Variants in DDX60L observed in about 807,000 individuals in gnomAD.
DDX60L encodes the protein DExD/H-box 60 like.
DDX60L carries 191 observed loss-of-function variants against 211.6 expected under a neutral mutation model. The ratio of observed to expected loss-of-function variants is 0.90; its 90% CI spans 0.80 to 1.02. DDX60L has a LOEUF of 1.02. DDX60L is among the 50% of genes least tolerant of loss of function. The pLI is 0.00. For missense variants in DDX60L, 2,007 were observed against 1,984.1 expected, an observed-to-expected ratio of 1.01 and a Z score of -0.22; for synonymous variants, 706 against 694.1, an observed-to-expected ratio of 1.02 and a Z score of -0.27.
At chr4:168,457,463 A>C (rs1756744793) in intron 6 of DDX60L, among the ~76,000 whole-genome samples, 1 of 151,382 alleles carries the variant, frequency 6.6e-6, no homozygotes, top group Admixed American at 6.6e-5. Flanking sequence ...AAAAAGAAAG[A>C]GGTGCTTAGT....
intron 29 of DDX60L, among the ~76,000 whole-genome samples, chr4:168,386,349 A>T (rs910418125): frequency 1.3e-5 from 2 of 152,220 alleles, no homozygotes; most frequent in South Asian, 4.1e-4. Flanking sequence ...CTTGAGATAC[A>T]AATCAAGTAA....
In DDX60L at chr4:168,457,898, C is replaced by T; in HGVS notation, c.717G>A (p.Met239Ile). ...GAAATAAAAATTTTAATACCTCTTCCATCATATCATTCCATTTCAAATGTT... is the reference window on the plus strand; with the variant it reads ...GAAATAAAAATTTTAATACCTCTTCTATCATATCATTCCATTTCAAATGTT... ...HFEHLKWNDM[M>I]EEAYQTLFLL... is the part of the protein sequence containing the mutation. Residue 239 changes from methionine to isoleucine, a missense_variant, in exon 6 of 38, where the codon ATG (methionine) becomes ATA (isoleucine). By Grantham distance (10) the Met-to-Ile change is conservative. Transcript: ENST00000682922. 1.3e-6 allele frequency: 2 copies of T among 1,515,738 alleles called. No individual in the cohort carries two copies. The highest frequency in any genetic ancestry group is 1.8e-6 in the Non-Finnish European group (2 of 1,125,696). 93.9% of individuals were successfully genotyped at this position (1,515,738 alleles called of 1,614,324 possible). A position where few individuals can be genotyped will look rare whatever the true frequency, so the allele number is the denominator to read the frequency against.
At chr4:168,459,073 T>A (rs924650700) in intron 5 of DDX60L, among the ~76,000 whole-genome samples, 12 of 152,152 alleles carry the variant, frequency 7.9e-5, no homozygotes, top group African/African-American at 2.9e-4. Context: ...ACATCTATAA[T>A]ATTTATTGAG....
chr4:168,400,269 A>T (rs549453108), intron 26 of DDX60L, among the ~76,000 whole-genome samples: 1 of 149,536 alleles, frequency 6.7e-6, no homozygotes, highest in African/African-American at 2.4e-5. Flanking sequence ...TCTATCATTG[A>T]TGGGCATCTA....
In DDX60L at chr4:168,404,110, C is replaced by T. The variant is rs185775023; in HGVS notation, c.3214-4G>A. ...GGTTCTTCAGTACTCTTTTGACCTA[C>T]AACAGTAAGTAAAAATTATTTAAAA... is the stretch of plus-strand genomic sequence containing the variant. On this transcript the variant is annotated splice_polypyrimidine_tract_variant and splice_region_variant and intron_variant, in intron 24 of 37. Coordinates refer to ENST00000682922, the MANE Select transcript of DDX60L (RefSeq NM_001012967.3). 1.9e-5 allele frequency: 24 copies of T among 1,283,966 alleles called. No individual in the cohort carries two copies. The highest frequency in any genetic ancestry group is 2.2e-5 in the Non-Finnish European group (22 of 995,646). 79.5% of individuals were successfully genotyped at this position (1,283,966 alleles called of 1,614,324 possible). A position where few individuals can be genotyped will look rare whatever the true frequency, so the allele number is the denominator to read the frequency against.
intron 30 of DDX60L, among the ~76,000 whole-genome samples, chr4:168,382,101 A>G (rs1435004078): frequency 2.0e-5 from 3 of 152,212 alleles, no homozygotes; most frequent in Non-Finnish European, 4.4e-5. Flanking sequence ...TAATGAATAT[A>G]TAAGAATATG....
chr4:168,443,642 C>T (rs1013582184), intron 9 of DDX60L, among the ~76,000 whole-genome samples: 1 of 151,324 alleles, frequency 6.6e-6, no homozygotes, highest in African/African-American at 2.4e-5. Flanking sequence ...GTTGGGTTAC[C>T]CTCAAAGGGA....
At chr4:168,478,539 C>T (rs1344019045) in intron 1 of DDX60L, among the ~76,000 whole-genome samples, 1 of 152,150 alleles carries the variant, frequency 6.6e-6, no homozygotes, top group Middle Eastern at 3.2e-3. Flanking sequence ...AGTAAATCAA[C>T]CAGCAGGTCT....
chr4:168,398,540 G>A (rs186246805), intron 26 of DDX60L, among the ~76,000 whole-genome samples: 31 of 152,320 alleles, frequency 2.0e-4, no homozygotes, highest in African/African-American at 7.2e-4. Context: ...CCCTGGTGAA[G>A]TCCCACCTTC....
At chr4:168,385,546 T>C (rs148222190) in intron 29 of DDX60L, among the ~76,000 whole-genome samples, 98 of 152,282 alleles carry the variant, frequency 6.4e-4, no homozygotes, top group African/African-American at 2.3e-3. Context: ...TGGTCATAAG[T>C]TCCAGAGGAC....
At chr4:168,439,720 G>A (rs921773943) in intron 10 of DDX60L, among the ~76,000 whole-genome samples, 1 of 152,052 alleles carries the variant, frequency 6.6e-6, no homozygotes, top group African/African-American at 2.4e-5. Context: ...ATCTTCAAAA[G>A]AACAAAGTTG....
At chr4:168,441,007 A>T (rs1753752013) in intron 10 of DDX60L, among the ~76,000 whole-genome samples, 1 of 152,128 alleles carries the variant, frequency 6.6e-6, no homozygotes. Flanking sequence ...ATCATATTGA[A>T]GTCTGTTAAA....
intron 36 of DDX60L, among the ~76,000 whole-genome samples, chr4:168,365,668 T>C (rs1212655614): frequency 1.3e-5 from 2 of 152,096 alleles, no homozygotes; most frequent in African/African-American, 2.4e-5. Context: ...TCCAAATTTT[T>C]TTTACAAGAC....
At chr4:168,383,521 G>A (rs1443903151) in intron 30 of DDX60L, among the ~76,000 whole-genome samples, 2 of 152,182 alleles carry the variant, frequency 1.3e-5, no homozygotes, top group Non-Finnish European at 2.9e-5. Flanking sequence ...ATTGATTTGT[G>A]ATTGGCTATA....
intron 18 of DDX60L, 53 bp downstream of exon 18, chr4:168,420,208 T>C: frequency 3.6e-6 from 5 of 1,390,822 alleles, no homozygotes; most frequent in South Asian, 1.4e-5. Flanking sequence ...AAAACAGTTA[T>C]ATAAGTACTG....
At chr4:168,420,217 T>G in intron 18 of DDX60L, 44 bp downstream of exon 18, 1 of 1,440,018 alleles carries the variant, frequency 6.9e-7, no homozygotes. Flanking sequence ...ATATAAGTAC[T>G]GCTCTATAAT....
chr4:168,373,318 C>T (rs1299557245), intron 35 of DDX60L, among the ~76,000 whole-genome samples: 1 of 152,086 alleles, frequency 6.6e-6, no homozygotes, highest in African/African-American at 2.4e-5. Flanking sequence ...CCCAAAGATC[C>T]ATGTGGTCTG....
At chr4:168,407,644 A>G (rs1243268896) in intron 22 of DDX60L, among the ~76,000 whole-genome samples, 1 of 152,186 alleles carries the variant, frequency 6.6e-6, no homozygotes, top group African/African-American at 2.4e-5. Context: ...TCTCCCAAAT[A>G]TACTTGAGGA....
intron 34 of DDX60L, among the ~76,000 whole-genome samples, chr4:168,374,367 T>G (rs187388001): frequency 6.6e-6 from 1 of 152,192 alleles, no homozygotes; most frequent in Non-Finnish European, 1.5e-5. Flanking sequence ...CAACTATGAC[T>G]ATATTAGGAG....
Sources: gnomAD v4.1 joint callset for allele counts (sites outside exome capture counted in the v4.1 genomes callset) on GRCh38, gnomAD v4.1.1 for gene constraint, MANE v1.5 for transcripts, NCBI Gene and HGNC (gene_info 2026-07-23, HGNC 2026-07-21) for gene names.